The following NEK11 variants were observed in gnomAD, a reference collection of about 807,000 sequenced individuals.
NEK11 encodes NIMA related kinase 11, also known as serine/threonine-protein kinase Nek11.
A neutral mutation model predicts 80.7 loss-of-function variants in NEK11; 72 were observed. That is an observed-to-expected ratio of 0.89 (90% CI 0.74 to 1.08). NEK11 has a LOEUF of 1.08. Among genes scored for constraint, NEK11 ranks in the 50% least tolerant of loss-of-function variants. NEK11 has a pLI of 0.00. For synonymous variants in NEK11, 251 were observed against 260.7 expected, an observed-to-expected ratio of 0.96 and a Z score of 0.36; for missense variants, 764 against 763.6, an observed-to-expected ratio of 1.00 and a Z score of -0.01.
intron 17 of NEK11, among the ~76,000 whole-genome samples, chr3:131,315,175 A>G (rs930643476): frequency 1.3e-5 from 2 of 152,140 alleles, no homozygotes; most frequent in Admixed American, 1.3e-4. Context: ...CCAGTATACA[A>G]TATTTCTGAC....
At chr3:131,164,658 A>G (rs974813834) in intron 11 of NEK11, among the ~76,000 whole-genome samples, 7 of 152,204 alleles carry the variant, frequency 4.6e-5, no homozygotes, top group African/African-American at 1.7e-4. Flanking sequence ...ATACACTAAT[A>G]TATTTTTCTT....
At chr3:131,179,712 C>T (rs2093241332) in intron 14 of NEK11, among the ~76,000 whole-genome samples, 1 of 152,194 alleles carries the variant, frequency 6.6e-6, no homozygotes, top group Non-Finnish European at 1.5e-5. Context: ...TAGACATATA[C>T]CATATTTCAT....
intron 14 of NEK11, among the ~76,000 whole-genome samples, chr3:131,178,152 A>G (rs535546433): frequency 6.6e-6 from 1 of 152,356 alleles, no homozygotes; most frequent in Non-Finnish European, 1.5e-5. Context: ...TGGAGCTTGC[A>G]GGACTGGAAG....
chr3:131,325,675 G>A (rs2096955929), intron 17 of NEK11: 1 of 152,122 alleles, frequency 6.6e-6, no homozygotes, highest in Admixed American at 6.5e-5. Context: ...TTTAGTGGTA[G>A]CAAAGCTAAT....
chr3:131,311,324 C>G (rs1005775636), intron 17 of NEK11, among the ~76,000 whole-genome samples: 1 of 152,006 alleles, frequency 6.6e-6, no homozygotes, highest in Admixed American at 6.6e-5. Flanking sequence ...CTATAGTCAC[C>G]CTACTCTGCT....
intron 4 of NEK11, among the ~76,000 whole-genome samples, chr3:131,107,699 G>A (rs1406645729): frequency 4.0e-5 from 1 of 24,730 alleles, no homozygotes; most frequent in Non-Finnish European, 1.5e-4. Flanking sequence ...ATATGTGTTT[G>A]GTTGAAAAAA....
chr3:131,152,918 TAC>T (rs1560666220), intron 9 of NEK11, among the ~76,000 whole-genome samples: 2 of 152,104 alleles, frequency 1.3e-5, no homozygotes, highest in Non-Finnish European at 2.9e-5. Context: ...ACCCCGTCTC[TAC>T]TAAAAGTACA....
chr3:131,261,111 G>A (rs1180991015), intron 16 of NEK11, among the ~76,000 whole-genome samples: 1 of 152,192 alleles, frequency 6.6e-6, no homozygotes, highest in Non-Finnish European at 1.5e-5. Context: ...CTCTCTGCTG[G>A]TGAAATGTCA....
At chr3:131,048,100 C>T (rs900387506) in intron 3 of NEK11, among the ~76,000 whole-genome samples, 3 of 152,212 alleles carry the variant, frequency 2.0e-5, no homozygotes, top group South Asian at 4.1e-4. Flanking sequence ...CCCACGTATC[C>T]CAAAAGGCCA....
intron 7 of NEK11, among the ~76,000 whole-genome samples, chr3:131,143,208 C>T (rs1032299697): frequency 2.0e-5 from 3 of 152,108 alleles, no homozygotes; most frequent in African/African-American, 7.2e-5. Flanking sequence ...TGCTTTAAGC[C>T]TTATCTTGGG....
chr3:131,273,027 C>T (rs1211672128), intron 16 of NEK11, among the ~76,000 whole-genome samples: 1 of 151,812 alleles, frequency 6.6e-6, no homozygotes, highest in Non-Finnish European at 1.5e-5. Flanking sequence ...CTTTCCATTG[C>T]AAAAAAAGCT....
intron 14 of NEK11, among the ~76,000 whole-genome samples, chr3:131,187,114 G>T (rs2093631327): frequency 6.6e-6 from 1 of 152,124 alleles, no homozygotes; most frequent in Non-Finnish European, 1.5e-5. Context: ...AAAGCAATTT[G>T]TCTAGAAGTA....
chr3:131,310,811 C>G (rs571106903), intron 17 of NEK11, among the ~76,000 whole-genome samples: 1 of 152,182 alleles, frequency 6.6e-6, no homozygotes, highest in South Asian at 2.1e-4. Flanking sequence ...TTGCATCACC[C>G]AGACTGTGCC....
intron 14 of NEK11, among the ~76,000 whole-genome samples, chr3:131,222,982 T>A (rs181507199): frequency 1.2e-4 from 19 of 152,358 alleles, no homozygotes; most frequent in Non-Finnish European, 2.1e-4. Flanking sequence ...AACATCTGTG[T>A]CCAAACTCGT....
chr3:131,253,596 CAGAT>C (rs1368116116), intron 16 of NEK11, among the ~76,000 whole-genome samples: 1 of 152,124 alleles, frequency 6.6e-6, no homozygotes, highest in Non-Finnish European at 1.5e-5. Flanking sequence ...CCAAATGTCA[CAGAT>C]AGAGTGGCGA....
chr3:131,041,364 A>G (rs2066438781), intron 3 of NEK11, among the ~76,000 whole-genome samples: 2 of 152,190 alleles, frequency 1.3e-5, no homozygotes, highest in South Asian at 4.1e-4. Context: ...CATTTTAAGT[A>G]AGCTTTAAAG....
chr3:131,077,783 G>A (rs987683661), intron 3 of NEK11, among the ~76,000 whole-genome samples: 1 of 152,174 alleles, frequency 6.6e-6, no homozygotes, highest in African/African-American at 2.4e-5. Flanking sequence ...TAAAAAAAGT[G>A]TCTTGTATGT....
intron 17 of NEK11, among the ~76,000 whole-genome samples, chr3:131,280,452 T>A (rs888369599): frequency 6.6e-6 from 1 of 152,202 alleles, no homozygotes; most frequent in Non-Finnish European, 1.5e-5. Context: ...ATTAATCTTT[T>A]CTTCTGCAAT....
chr3:131,328,627 C>CTGTT (rs904620932), intron 17 of NEK11: 2 of 152,308 alleles, frequency 1.3e-5, no homozygotes, highest in East Asian at 1.9e-4. Flanking sequence ...AACATACTTT[C>CTGTT]TGTTAGTTTC....
Sources: gnomAD v4.1 joint callset for allele counts (sites outside exome capture counted in the v4.1 genomes callset) on GRCh38, gnomAD v4.1.1 for gene constraint, MANE v1.5 for transcripts, NCBI Gene and HGNC (gene_info 2026-07-23, HGNC 2026-07-21) for gene names.